Variants in ERMAP observed in about 807,000 individuals in gnomAD.
ERMAP encodes erythroid membrane-associated protein.
In ERMAP, 34 loss-of-function variants were observed where a neutral mutation model predicts 49.5. The ratio of observed to expected loss-of-function variants is 0.69; its 90% CI spans 0.52 to 0.91. The LOEUF is 0.91. Among genes scored for constraint, ERMAP ranks in the 40% least tolerant of loss-of-function variants. ERMAP has a pLI of 0.00. For synonymous variants in ERMAP, 214 were observed against 232.2 expected, an observed-to-expected ratio of 0.92 and a Z score of 0.71; for missense variants, 541 against 582.6, an observed-to-expected ratio of 0.93 and a Z score of 0.74.
At chr1:42,822,076 TAATA>T (rs1039103591) in intron 1 of ERMAP, among the ~76,000 whole-genome samples, 2 of 149,726 alleles carry the variant, frequency 1.3e-5, no homozygotes, top group African/African-American at 2.4e-5. Flanking sequence ...AAAATAAAAA[TAATA>T]AATTATATAA....
At chr1:42,818,470 T>G (rs1382135112) in intron 1 of ERMAP, among the ~76,000 whole-genome samples, 1 of 152,174 alleles carries the variant, frequency 6.6e-6, no homozygotes, top group Non-Finnish European at 1.5e-5. Flanking sequence ...AATGTTTATT[T>G]TTTATTTATT....
intron 1 of ERMAP, among the ~76,000 whole-genome samples, chr1:42,823,272 G>T (rs971203005): frequency 6.6e-6 from 1 of 152,140 alleles, no homozygotes; most frequent in African/African-American, 2.4e-5. Context: ...TACCCATGCA[G>T]GGTTTTGTCA....
rs1250449923 is a variant in ERMAP, at chr1:42,842,641, T to G, written c.837T>G (p.Val279=). The change falls in exon 12 of 12, where the codon GTT becomes GTG. Residue 279 remains valine, a synonymous_variant. Transcript: ENST00000372517. Reference sequence around the variant, plus strand: ...ACAACCCCCAGAGATTTGATTTCGTTGTCAGCATCCTAGGCTCTGAGTACT... The same window carrying G: ...ACAACCCCCAGAGATTTGATTTCGTGGTCAGCATCCTAGGCTCTGAGTACT... ...VPDNPQRFDF[V]VSILGSEYFT... 6.2e-7 allele frequency: 1 copy of G among 1,614,034 alleles called. No individual in the cohort carries two copies. Among genetic ancestry groups the G allele is most frequent in the Non-Finnish European group, 8.5e-7 (1 of 1,180,018 alleles).
At chr1:42,832,950 C>A (rs1234747564) in intron 4 of ERMAP, among the ~76,000 whole-genome samples, 3 of 152,232 alleles carry the variant, frequency 2.0e-5, no homozygotes. Context: ...GAGCCCTGGG[C>A]CAAGTGGAGA....
Position 42,843,942 on chromosome 1 carries a change from G to A in ERMAP, c.*710G>A, listed in dbSNP as rs2124372051. 2.5e-6 allele frequency: 1 copy of A among 397,072 alleles called. No homozygotes were observed. The highest frequency in any genetic ancestry group is 4.4e-6 in the Non-Finnish European group (1 of 225,516). The allele number at this position is 397,072 out of a possible 1,614,324, so 24.6% of individuals were successfully genotyped here. A position where few individuals can be genotyped will look rare whatever the true frequency, so the allele number is the denominator to read the frequency against. Reference sequence around the variant, plus strand: ...CTGAAAAGCCCCAGGAGCACATCAGGGAGCTGGGAAACACAGTTGCAGAGA... The same window carrying A: ...CTGAAAAGCCCCAGGAGCACATCAGAGAGCTGGGAAACACAGTTGCAGAGA... On this transcript the variant is annotated 3_prime_UTR_variant, in exon 12 of 12. Transcript: ENST00000372517.
intron 11 of ERMAP, among the ~76,000 whole-genome samples, chr1:42,842,167 T>G (rs1655074462): frequency 6.6e-6 from 1 of 152,212 alleles, no homozygotes. Context: ...CACTTCCCAC[T>G]AAGCCCTACC....
At chr1:42,821,194 T>C (rs1654397836) in intron 1 of ERMAP, among the ~76,000 whole-genome samples, 1 of 152,240 alleles carries the variant, frequency 6.6e-6, no homozygotes, top group South Asian at 2.1e-4. Flanking sequence ...TGTCCTGTTC[T>C]CTTTGTCCTT....
intron 4 of ERMAP, 82 bp downstream of exon 4, chr1:42,831,197 T>C: frequency 6.8e-7 from 1 of 1,475,024 alleles, no homozygotes; most frequent in Non-Finnish European, 9.1e-7. Context: ...TCTCCATGTC[T>C]AGACTTTTCT....
intron 8 of ERMAP, 28 bp downstream of exon 8, chr1:42,838,949 A>C (rs1654980673): frequency 6.2e-7 from 1 of 1,614,034 alleles, no homozygotes; most frequent in Non-Finnish European, 8.5e-7. Flanking sequence ...TCCATGGCAC[A>C]AGCTCCTTCT....
chr1:42,818,619 C>A (rs1654314563), intron 1 of ERMAP, among the ~76,000 whole-genome samples: 1 of 152,058 alleles, frequency 6.6e-6, no homozygotes, highest in Non-Finnish European at 1.5e-5. Flanking sequence ...AGGCACACAC[C>A]ATCATGCCTG....
intron 1 of ERMAP, chr1:42,824,471 A>G (rs1654487563): frequency 6.6e-6 from 1 of 152,230 alleles, no homozygotes; most frequent in South Asian, 2.1e-4. Flanking sequence ...GGTCTACTAT[A>G]TAGCAGTGAA....
chr1:42,842,539 C>A lies in ERMAP; in HGVS notation c.735C>A (p.Asp245Glu). ...LHFVAVTLDP[D>E]TAHPKLILSE... ...CAGTGGCAGTGACCCTGGACCCAGACACAGCACATCCCAAACTCATCCTTT... is the reference window on the plus strand; with the variant it reads ...CAGTGGCAGTGACCCTGGACCCAGAAACAGCACATCCCAAACTCATCCTTT... Residue 245 changes from aspartate to glutamate, a missense_variant, in exon 12 of 12, where the codon GAC (aspartate) becomes GAA (glutamate). Coordinates refer to ENST00000372517, the MANE Select transcript of ERMAP (RefSeq NM_001017922.2). The A allele has an allele frequency of 6.2e-7, 1 of 1,613,788 alleles. No individual in the cohort carries two copies. Among genetic ancestry groups the A allele is most frequent in the Non-Finnish European group, 8.5e-7 (1 of 1,179,826 alleles).
intron 6 of ERMAP, 185 bp from the exon 7 acceptor site, chr1:42,836,973 A>G (rs1047358560): frequency 2.4e-5 from 14 of 583,864 alleles, no homozygotes; most frequent in African/African-American, 2.3e-4. Flanking sequence ...GGATTAAGAC[A>G]GGATGTGGGA....
At chr1:42,834,884 G>A (rs1654846756) in intron 4 of ERMAP, 154 bp from the exon 5 acceptor site, 1 of 649,392 alleles carries the variant, frequency 1.5e-6, no homozygotes, top group Non-Finnish European at 2.8e-6. Context: ...TCCAGGGCTT[G>A]AGTTATCAGA....
intron 11 of ERMAP, chr1:42,841,763 T>C (rs1655063289): frequency 6.6e-6 from 1 of 152,220 alleles, no homozygotes; most frequent in African/African-American, 2.4e-5. Context: ...GATTCAAACA[T>C]GCTATGTGGC....
At position 42,830,772 on chromosome 1, in the gene ERMAP, C is replaced by T. The variant is rs756915487; in HGVS notation, c.90C>T (p.His30=). The change falls in exon 4 of 12, where the codon CAC becomes CAT. Residue 30 remains histidine, a synonymous_variant. Coordinates refer to ENST00000372517, the MANE Select transcript of ERMAP (RefSeq NM_001017922.2). ...FLRLSVHVSG[H]AGDAGKFHVA... is the part of the protein sequence containing the mutation. Reference sequence around the variant, plus strand: ...CTTGTCTCTTTTTTTGTCCAGGCCACGCAGGGGATGCCGGCAAGTTCCACG... The same window carrying T: ...CTTGTCTCTTTTTTTGTCCAGGCCATGCAGGGGATGCCGGCAAGTTCCACG... 29 of 1,539,298 alleles carry T rather than the reference C, an allele frequency of 1.9e-5. No individual in the cohort carries two copies. The highest frequency in any genetic ancestry group is 1.3e-4 in the South Asian group (11 of 83,508).
intron 2 of ERMAP, chr1:42,829,824 A>T (rs1654661183): frequency 6.5e-6 from 1 of 152,758 alleles, no homozygotes; most frequent in South Asian, 2.1e-4. Context: ...CTAGGGACAC[A>T]GAGCTAGTAA....
Position 42,843,034 on chromosome 1 carries a change from C to A in ERMAP, c.1230C>A (p.Val410=). 1 of 1,614,196 alleles carries A rather than the reference C, an allele frequency of 6.2e-7. No homozygotes were observed. The highest frequency in any genetic ancestry group is 2.2e-5 in the East Asian group (1 of 44,884). The change falls in exon 12 of 12, where the codon GTC becomes GTA. Residue 410 remains valine (V), a synonymous_variant. Transcript: ENST00000372517. ...HDGGKNTAPL[V]ICSELHKSEE... Reference sequence around the variant, plus strand: ...GAGGAAAAAACACAGCACCTCTAGTCATTTGTTCAGAACTACACAAATCAG... The same window carrying A: ...GAGGAAAAAACACAGCACCTCTAGTAATTTGTTCAGAACTACACAAATCAG...
chr1:42,835,102 A>G lies in ERMAP; in HGVS notation c.498A>G (p.Val166=), dbSNP rs148290168. 9 of 1,585,214 alleles carry G rather than the reference A, an allele frequency of 5.7e-6. No homozygotes were observed. The highest frequency in any genetic ancestry group is 1.7e-4 in the Middle Eastern group (1 of 6,034). ...TGGCTGTGATCCTGCCTGTCCTGGT[A>G]CTTCTCATCATGGTGTGCCTTTGCC... ...VALAVILPVL[V]LLIMVCLCLI... Residue 166 remains valine, a synonymous_variant, in exon 5 of 12, where the codon GTA becomes GTG. Transcript: ENST00000372517.
Sources: gnomAD v4.1 joint callset for allele counts (sites outside exome capture counted in the v4.1 genomes callset) on GRCh38, gnomAD v4.1.1 for gene constraint, MANE v1.5 for transcripts, NCBI Gene and HGNC (gene_info 2026-07-23, HGNC 2026-07-21) for gene names.